VPS13D: variants seen among roughly 807,000 people sequenced by gnomAD.
VPS13D encodes intermembrane lipid transfer protein VPS13D.
Under a neutral mutation model 461.9 loss-of-function variants are expected in VPS13D, and 187 were observed. The observed-to-expected ratio is 0.40, with a 90% CI of 0.36 to 0.46. The LOEUF (loss-of-function observed/expected upper bound fraction) is 0.46, where lower values mean the gene tolerates loss of function less well. Among genes scored for constraint, VPS13D ranks in the 20% least tolerant of loss-of-function variants. VPS13D has a pLI of 0.60. For missense variants in VPS13D, 4,711 were observed against 5,364.9 expected, an observed-to-expected ratio of 0.88 and a Z score of 3.81; for synonymous variants, 1,951 against 1,986.3, an observed-to-expected ratio of 0.98 and a Z score of 0.47.
chr1:12,482,291 A>G (rs1456083449), intron 67 of VPS13D, among the ~76,000 whole-genome samples: 1 of 152,208 alleles, frequency 6.6e-6, no homozygotes, highest in Non-Finnish European at 1.5e-5. Context: ...TATCCAGAAG[A>G]AAGCCATTCC....
chr1:12,403,462 A>G (rs1348859933), intron 62 of VPS13D, among the ~76,000 whole-genome samples: 2 of 152,236 alleles, frequency 1.3e-5, no homozygotes, highest in Non-Finnish European at 2.9e-5. Context: ...TTTGGATATG[A>G]TCCTAGGAAA....
chr1:12,269,025 A>G, intron 16 of VPS13D, 149 bp downstream of exon 16: 1 of 728,790 alleles, frequency 1.4e-6, no homozygotes. Flanking sequence ...CTGTCCTGTT[A>G]CTAAACCAGG....
At chr1:12,485,550 A>G (rs1645786498) in intron 67 of VPS13D, among the ~76,000 whole-genome samples, 1 of 152,218 alleles carries the variant, frequency 6.6e-6, no homozygotes, top group African/African-American at 2.4e-5. Flanking sequence ...GGGACATACT[A>G]CAGATCTTTC....
chr1:12,281,575 T>C (rs1641784419), intron 20 of VPS13D, among the ~76,000 whole-genome samples: 1 of 152,146 alleles, frequency 6.6e-6, no homozygotes, highest in African/African-American at 2.4e-5. Context: ...GGAGGTAGAC[T>C]TCAGGTAGGT....
chr1:12,242,883 A>G (rs1640424056), intron 3 of VPS13D, among the ~76,000 whole-genome samples: 1 of 152,052 alleles, frequency 6.6e-6, no homozygotes, highest in Admixed American at 6.6e-5. Flanking sequence ...ATGTTTACTC[A>G]AGTGTGAGAA....
At chr1:12,465,806 G>C (rs1036219100) in intron 67 of VPS13D, among the ~76,000 whole-genome samples, 1 of 152,180 alleles carries the variant, frequency 6.6e-6, no homozygotes, top group Non-Finnish European at 1.5e-5. Context: ...TGGGTCACCA[G>C]AGCCTGAATG....
chr1:12,488,638 T>C (rs1315066170), intron 67 of VPS13D, among the ~76,000 whole-genome samples: 1 of 148,254 alleles, frequency 6.7e-6, no homozygotes, highest in East Asian at 2.0e-4. Context: ...CCCAGCACTT[T>C]CAGAGGCTAA....
intron 68 of VPS13D, among the ~76,000 whole-genome samples, chr1:12,504,509 T>A (rs1381830429): frequency 2.6e-5 from 4 of 152,216 alleles, no homozygotes; most frequent in Non-Finnish European, 4.4e-5. Flanking sequence ...CCTTTCTGTA[T>A]GGCCATGAAT....
In VPS13D at chr1:12,396,029, A is replaced by ATATATATATATATATATATATATT. The variant is rs1553187933; in HGVS notation, c.11635-4152_11635-4151insTATATATATATATATATATATATT. ...TATATATATATATATATATATATATAGTTCTTTAAGATCAATAAAATTAAT... is the reference window on the plus strand; with the variant it reads ...TATATATATATATATATATATATATATATATATATATATATATATATATTGTTCTTTAAGATCAATAAAATTAAT... On this transcript the variant is annotated intron_variant, in intron 60 of 69. Transcript: ENST00000620676. Among the ~76,000 whole-genome samples the ATATATATATATATATATATATATT allele has an allele frequency of 1.4e-3, 168 of 119,768 alleles. 15 individuals carry two copies. The highest frequency in any genetic ancestry group is 4.8e-3 in the African/African-American group (126 of 26,124). The allele number at this position is 119,768 out of a possible 152,430, so 78.6% of individuals were successfully genotyped here. A position where few individuals can be genotyped will look rare whatever the true frequency, so the allele number is the denominator to read the frequency against.
rs771297299 is a variant in VPS13D at position 12,283,349 on chromosome 1, G to A, written c.5247G>A (p.Lys1749=). 1.2e-6 allele frequency: 2 copies of A among 1,614,110 alleles called. No individual in the cohort carries two copies. Among genetic ancestry groups the A allele is most frequent in the Non-Finnish European group, 1.7e-6 (2 of 1,180,012 alleles). ...GGCCCACCTCTGCGTCCCGGAAAAA[G>A]CAAAAGGAAGTCCAAGACAAGGACT... ...YQRPTSASRK[K]QKEVQDKDYP... The change falls in exon 21 of 70, where the codon AAG becomes AAA. Residue 1749 remains lysine (K), a synonymous_variant. Coordinates refer to ENST00000620676, the MANE Select transcript of VPS13D (RefSeq NM_015378.4).
chr1:12,509,175 G>T lies in VPS13D; in HGVS notation c.*151G>T. The T allele has an allele frequency of 1.1e-6, 1 of 901,078 alleles. No homozygotes were observed. The allele number at this position is 901,078 out of a possible 1,614,324, so 55.8% of individuals were successfully genotyped here. A position where few individuals can be genotyped will look rare whatever the true frequency, so the allele number is the denominator to read the frequency against. On this transcript the variant is annotated 3_prime_UTR_variant, in exon 70 of 70. Coordinates refer to ENST00000620676, the MANE Select transcript of VPS13D (RefSeq NM_015378.4). ...GGAAAGTAAATCCTCATGAGGAAAA[G>T]TACAAATGGAAATCGTATTAATTTG... is the stretch of plus-strand genomic sequence containing the variant.
chr1:12,237,129 G>GTA (rs1225772870), intron 2 of VPS13D, among the ~76,000 whole-genome samples: 2 of 149,772 alleles, frequency 1.3e-5, no homozygotes, highest in Admixed American at 6.8e-5. Flanking sequence ...ATCTGTGTGT[G>GTA]TATATATATG....
In VPS13D at chr1:12,342,884, C is replaced by T; in HGVS notation, c.8733-15C>T. The T allele has an allele frequency of 6.2e-7, 1 of 1,603,432 alleles. No individual in the cohort carries two copies. The highest frequency in any genetic ancestry group is 8.5e-7 in the Non-Finnish European group (1 of 1,172,110). On this transcript the variant is annotated splice_polypyrimidine_tract_variant and intron_variant, in intron 41 of 69. Coordinates refer to ENST00000620676, the MANE Select transcript of VPS13D (RefSeq NM_015378.4). Reference sequence around the variant, plus strand: ...AGAAACAGGGACAGGCTGATGTCATCTGATTTGGTTCCAGAGCTGCACTCT... The same window carrying T: ...AGAAACAGGGACAGGCTGATGTCATTTGATTTGGTTCCAGAGCTGCACTCT...
rs553714151 is a variant in VPS13D at position 12,322,858 on chromosome 1, TTAAGTA to T, written c.7915+116_7915+121del. 301 of 920,286 alleles carry T rather than the reference TTAAGTA, an allele frequency of 3.3e-4. 5 individuals carry two copies. In the East Asian group the frequency reaches 7.9e-3, roughly 24 times the overall value. 57.0% of individuals were successfully genotyped at this position (920,286 alleles called of 1,614,324 possible). A position where few individuals can be genotyped will look rare whatever the true frequency, so the allele number is the denominator to read the frequency against. ...TTGTACACAGTTTAATTGTATGTCA[TTAAGTA>T]TAACTGTAAGTCCTAAGTATGACTC... On this transcript the variant is annotated intron_variant, in intron 34 of 69. Transcript: ENST00000620676.
chr1:12,287,190 A>G (rs1325909406), intron 21 of VPS13D, among the ~76,000 whole-genome samples: 4 of 152,082 alleles, frequency 2.6e-5, no homozygotes, highest in Admixed American at 6.6e-5. Context: ...CCCCATGATG[A>G]TCTCGCCTTG....
At chr1:12,252,142 C>T (rs896254498) in intron 6 of VPS13D, among the ~76,000 whole-genome samples, 10 of 152,084 alleles carry the variant, frequency 6.6e-5, no homozygotes, top group African/African-American at 2.2e-4. Flanking sequence ...ACCAGTATGA[C>T]CTCTTAATTT....
intron 17 of VPS13D, 124 bp from the exon 18 acceptor site, chr1:12,272,879 T>C: frequency 7.4e-7 from 1 of 1,345,756 alleles, no homozygotes; most frequent in Admixed American, 2.6e-5. Flanking sequence ...GACTTTTTGC[T>C]GTAATACATT....
At chr1:12,382,512 C>T (rs1205043974) in intron 57 of VPS13D, among the ~76,000 whole-genome samples, 1 of 152,142 alleles carries the variant, frequency 6.6e-6, no homozygotes, top group African/African-American at 2.4e-5. Flanking sequence ...GGTTGTCCAG[C>T]CATAGGCCTG....
intron 65 of VPS13D, among the ~76,000 whole-genome samples, chr1:12,440,942 C>T (rs1030844514): frequency 2.8e-4 from 42 of 149,358 alleles, no homozygotes; most frequent in Admixed American, 2.2e-3. Context: ...TTTTTTCTTT[C>T]GAGATGGAGT....
Sources: allele counts gnomAD v4.1 joint callset (sites outside exome capture counted in the v4.1 genomes callset), GRCh38; gene constraint gnomAD v4.1.1; transcripts MANE v1.5; gene names NCBI Gene and HGNC (gene_info 2026-07-23, HGNC 2026-07-21).